Variants in NTN1 observed in about 807,000 individuals in gnomAD.
The protein encoded by NTN1 is netrin-1.
NTN1 carries 11 observed loss-of-function variants against 54.2 expected under a neutral mutation model. That is an observed-to-expected ratio of 0.20 (90% CI 0.13 to 0.34). NTN1 has a LOEUF of 0.34. Among genes scored for constraint, NTN1 ranks in the 10% least tolerant of loss-of-function variants. The pLI is 1.00. For missense variants in NTN1, 740 were observed against 893.1 expected (o/e 0.83, Z 2.18); for synonymous variants, 371 against 382.0 (o/e 0.97, Z 0.33).
intron 6 of NTN1, among the ~76,000 whole-genome samples, chr17:9,230,688 C>A (rs1023181526): frequency 6.6e-6 from 1 of 151,954 alleles, no homozygotes; most frequent in Admixed American, 6.5e-5. Context: ...TGGGGGGATG[C>A]GGCCCTTCCC....
rs577134806 is a variant in NTN1 at position 9,087,778 on chromosome 17, AGCTTTCACGAACG to A, written c.1018+64396_1018+64408del. Among the ~76,000 whole-genome samples, 487 of 152,358 alleles carry A rather than the reference AGCTTTCACGAACG, an allele frequency of 3.2e-3. 3 individuals carry two copies. The highest frequency in any genetic ancestry group is 0.011 in the African/African-American group (472 of 41,578). On this transcript the variant is annotated intron_variant, in intron 2 of 6. Transcript: ENST00000173229. ...CTGGGCCTGTGCCGATTTGCCCAGT[AGCTTTCACGAACG>A]GCTTTCACATAAAGCCAGACTTGTG...
At chr17:9,236,124 T>G (rs1597554734) in intron 6 of NTN1, among the ~76,000 whole-genome samples, 1 of 90,764 alleles carries the variant, frequency 1.1e-5, no homozygotes, top group East Asian at 2.7e-4. Flanking sequence ...CATAAGAATT[T>G]GGGGGGGGGG....
chr17:9,019,210 A>G (rs1489501522), upstream of NTN1, among the ~76,000 whole-genome samples: 1 of 152,204 alleles, frequency 6.6e-6, no homozygotes, highest in Non-Finnish European at 1.5e-5. Flanking sequence ...TTTACTGTGC[A>G]AAACTGAGAG....
rs114264365 is a variant in NTN1 at position 9,141,925 on chromosome 17, A to G, written c.1019-20888A>G. 7.4e-3 allele frequency among the ~76,000 whole-genome samples: 1,127 copies of G among 151,886 alleles called. 17 individuals are homozygous for G. The highest frequency in any genetic ancestry group is 0.026 in the African/African-American group (1,078 of 41,438). ...AAAACTACAAAAATTAGCTGGGCGT[A>G]CTCAGGAGTTCGAGACCAGCCTGGC... On this transcript the variant is annotated intron_variant, in intron 2 of 6. Coordinates refer to ENST00000173229, the MANE Select transcript of NTN1 (RefSeq NM_004822.3).
chr17:9,221,042 C>T lies in NTN1; in HGVS notation c.1412-126C>T, dbSNP rs560698182. ...TTTCCTGAATGGCCGCCTGCCCGCC[C>T]GGCCTGGCCCATGGGTATCACAGGC... is the stretch of plus-strand genomic sequence containing the variant. On this transcript the variant is annotated intron_variant, in intron 5 of 6. Coordinates refer to ENST00000173229, the MANE Select transcript of NTN1 (RefSeq NM_004822.3). This position sits in a 1 kb window ranked among gnomAD's most constrained non-coding sequence, Gnocchi z 4.5. 1.1e-4 allele frequency: 83 copies of T among 761,214 alleles called. No homozygotes were observed. Among genetic ancestry groups the T allele is most frequent in the Non-Finnish European group, 1.6e-4 (67 of 426,656 alleles). 47.2% of individuals were successfully genotyped at this position (761,214 alleles called of 1,614,324 possible).
intron 2 of NTN1, among the ~76,000 whole-genome samples, chr17:9,071,239 C>T (rs190667834): frequency 4.7e-4 from 71 of 151,950 alleles, no homozygotes; most frequent in African/African-American, 1.6e-3. Context: ...TAACACGGAT[C>T]GTGTGAACAC....
At chr17:9,196,880 G>A (rs1052442667) in intron 5 of NTN1, among the ~76,000 whole-genome samples, 3 of 152,116 alleles carry the variant, frequency 2.0e-5, no homozygotes, top group Non-Finnish European at 2.9e-5. Context: ...TGTTGGAGCC[G>A]GCTCACACCT....
intron 2 of NTN1, among the ~76,000 whole-genome samples, chr17:9,151,146 G>A (rs767544169): frequency 7.9e-5 from 12 of 152,152 alleles, no homozygotes; most frequent in Non-Finnish European, 1.3e-4. Flanking sequence ...AGAAGCCTAA[G>A]AGGGTCTGGC....
chr17:9,023,371 G>A lies in NTN1; in HGVS notation c.998G>A (p.Arg333His). 2.7e-6 allele frequency: 4 copies of A among 1,477,244 alleles called. No homozygotes were observed. The highest frequency in any genetic ancestry group is 3.6e-6 in the Non-Finnish European group (4 of 1,114,260). The allele number at this position is 1,477,244 out of a possible 1,614,324, so 91.5% of individuals were successfully genotyped here. A position where few individuals can be genotyped will look rare whatever the true frequency, so the allele number is the denominator to read the frequency against. The change falls in exon 2 of 7, where the codon CGC becomes CAC. Residue 333 changes from arginine (R) to histidine (H), a missense_variant. Physicochemically the swap from Arg to His is conservative, Grantham distance 29 (BLOSUM62 0). Transcript: ENST00000173229. ...YDRPWQRATA[R>H]EANECVACNC... is the part of the protein sequence containing the mutation. ...CGGCCCTGGCAGCGCGCCACAGCCCGCGAAGCCAACGAGTGCGTGGGTGAG... is the reference window on the plus strand; with the variant it reads ...CGGCCCTGGCAGCGCGCCACAGCCCACGAAGCCAACGAGTGCGTGGGTGAG...
intron 3 of NTN1, among the ~76,000 whole-genome samples, chr17:9,178,304 T>TGCCAGGGCCTGTGCCCCCAC (rs1468280812): frequency 6.6e-6 from 1 of 152,190 alleles, no homozygotes; most frequent in African/African-American, 2.4e-5. Flanking sequence ...GCTGCCCCCG[T>TGCCAGGGCCTGTGCCCCCAC]GCCAGGGCCT....
chr17:9,028,384 C>T (rs1005388820), intron 2 of NTN1, among the ~76,000 whole-genome samples: 1 of 152,130 alleles, frequency 6.6e-6, no homozygotes, highest in African/African-American at 2.4e-5. Context: ...TCATTAGCAC[C>T]TGGTGATCAG....
intron 6 of NTN1, among the ~76,000 whole-genome samples, chr17:9,226,061 G>A (rs117494566): frequency 1.8e-4 from 28 of 151,752 alleles, no homozygotes; most frequent in Middle Eastern, 3.4e-3. Flanking sequence ...GGCTCGGGGC[G>A]CCGGCCCTGT....
In NTN1 at chr17:9,241,772, C is replaced by G. The variant is rs560155749; in HGVS notation, c.*1804C>G. 6.6e-6 allele frequency: 1 copy of G among 152,378 alleles called. No individual in the cohort carries two copies. Among genetic ancestry groups the G allele is most frequent in the East Asian group, 1.9e-4 (1 of 5,182 alleles). The allele number at this position is 152,378 out of a possible 1,614,324, so 9.4% of individuals were successfully genotyped here. On this transcript the variant is annotated 3_prime_UTR_variant, in exon 7 of 7. Transcript: ENST00000173229. ...TGGGACAGGGACTCATTATCACCAGCAAGGAGACTGGAGTACACGTGCCCA... is the reference window on the plus strand; with the variant it reads ...TGGGACAGGGACTCATTATCACCAGGAAGGAGACTGGAGTACACGTGCCCA...
intron 2 of NTN1, among the ~76,000 whole-genome samples, chr17:9,054,671 C>T (rs1168354350): frequency 2.0e-5 from 3 of 151,898 alleles, no homozygotes; most frequent in Non-Finnish European, 2.9e-5. Flanking sequence ...TGAGAGAGCA[C>T]CGTGAGTTTG....
chr17:9,091,327 C>T (rs576759088), intron 2 of NTN1, among the ~76,000 whole-genome samples: 1 of 152,216 alleles, frequency 6.6e-6, no homozygotes, highest in Admixed American at 6.5e-5. Context: ...GATCATAGCT[C>T]ACTGCAGCCT....
chr17:9,023,597 C>T (rs1269972929), intron 2 of NTN1, among the ~76,000 whole-genome samples: 1 of 152,280 alleles, frequency 6.6e-6, no homozygotes, highest in East Asian at 1.9e-4. Flanking sequence ...GCCCAGTGCT[C>T]TCTGCGAAGC....
At chr17:9,096,007 C>T (rs145377214) in intron 2 of NTN1, among the ~76,000 whole-genome samples, 29 of 152,044 alleles carry the variant, frequency 1.9e-4, no homozygotes, top group African/African-American at 5.8e-4. Flanking sequence ...ATGTTGGCCA[C>T]GCTGGTCTTG....
At chr17:9,014,866 C>G in the NTN1 span, among the ~76,000 whole-genome samples, 2 of 152,204 alleles carry the variant, frequency 1.3e-5, no homozygotes, top group Admixed American at 1.3e-4. Flanking sequence ...GCCCATCTTA[C>G]CCACAGGTTC....
At chr17:9,033,526 CT>C (rs1175326729) in intron 2 of NTN1, among the ~76,000 whole-genome samples, 1 of 152,168 alleles carries the variant, frequency 6.6e-6, no homozygotes, top group East Asian at 1.9e-4. Flanking sequence ...AATCCCAGCA[CT>C]TTGGGAGGCT....
Sources: allele counts gnomAD v4.1 joint callset (sites outside exome capture counted in the v4.1 genomes callset), GRCh38; gene constraint gnomAD v4.1.1; non-coding constraint Gnocchi (gnomAD v3.1); transcripts MANE v1.5; gene names NCBI Gene and HGNC (gene_info 2026-07-23, HGNC 2026-07-21).